The following LDB3 variants were observed in gnomAD, a reference collection of about 807,000 sequenced individuals.
LDB3 encodes LIM domain binding 3, also known as LIM domain-binding protein 3.
LDB3 carries 49 observed loss-of-function variants against 69.0 expected under a neutral mutation model. The observed-to-expected ratio is 0.71, with a 90% confidence interval of 0.56 to 0.90. LDB3 has a LOEUF of 0.90. LDB3 is among the 40% of genes least tolerant of loss of function. The pLI, the probability that LDB3 is intolerant of heterozygous loss-of-function variation, is 0.00. For synonymous variants in LDB3, 387 were observed against 396.2 expected (o/e 0.98, Z 0.28); for missense variants, 928 against 974.1 (o/e 0.95, Z 0.63).
chr10:86,688,897 A>C (rs1845629844), intron 5 of LDB3, among the ~76,000 whole-genome samples: 1 of 152,148 alleles, frequency 6.6e-6, no homozygotes, highest in Non-Finnish European at 1.5e-5. Context: ...ACTGTTGATT[A>C]ATCGAGACTT....
Position 86,718,767 on chromosome 10 carries a change from G to T in LDB3, c.1898G>T (p.Cys633Phe). 6.2e-7 allele frequency: 1 copy of T among 1,614,162 alleles called. No individual in the cohort carries two copies. Residue 633 changes from cysteine (C) to phenylalanine (F), a missense_variant, in exon 12 of 14, where the codon TGC becomes TTC. Physicochemically the swap from Cys to Phe is radical, Grantham distance 205 (BLOSUM62 -2). Transcript: ENST00000361373. ...HALRQTWHTT[C>F]FVCAACKKPF... ...TTGAGACAGACATGGCACACCACCT[G>T]CTTCGTCTGTGCGGCCTGCAAGAAG...
At chr10:86,728,474 T>C (rs529864074) in intron 13 of LDB3, among the ~76,000 whole-genome samples, 5 of 152,218 alleles carry the variant, frequency 3.3e-5, no homozygotes, top group Admixed American at 1.3e-4. Flanking sequence ...GAGAGGCCCA[T>C]AGCACTGCCC....
intron 12 of LDB3, among the ~76,000 whole-genome samples, chr10:86,723,894 A>G (rs1466740971): frequency 6.6e-6 from 1 of 152,258 alleles, no homozygotes; most frequent in Non-Finnish European, 1.5e-5. Flanking sequence ...TGCCATGCTG[A>G]TAAGGAGCTG....
chr10:86,705,208 T>C (rs1272030123), intron 7 of LDB3, among the ~76,000 whole-genome samples: 7 of 152,232 alleles, frequency 4.6e-5, no homozygotes, highest in African/African-American at 1.7e-4. Flanking sequence ...GATCCTGCTA[T>C]TCTTACTGAT....
Position 86,733,184 on chromosome 10 carries a change from C to A in LDB3, c.*208C>A. On this transcript the variant is annotated 3_prime_UTR_variant, in exon 14 of 14. Coordinates refer to ENST00000361373, the MANE Select transcript of LDB3 (RefSeq NM_007078.3). ...CTAGGAGCCAAATGAAGACTCAAAA[C>A]CAAGCTAGTTATTAATCCAAGACTG... 1.8e-6 allele frequency: 1 copy of A among 546,034 alleles called. No individual in the cohort carries two copies. The highest frequency in any genetic ancestry group is 3.3e-6 in the Non-Finnish European group (1 of 302,414). The allele number at this position is 546,034 out of a possible 1,614,324, so 33.8% of individuals were successfully genotyped here. A position where few individuals can be genotyped will look rare whatever the true frequency, so the allele number is the denominator to read the frequency against.
chr10:86,674,858 G>T (rs1467766652), intron 2 of LDB3, among the ~76,000 whole-genome samples: 1 of 152,132 alleles, frequency 6.6e-6, no homozygotes, highest in African/African-American at 2.4e-5. Context: ...AGGGTCTGAG[G>T]GTGCCCCCCT....
At chr10:86,667,402 A>G (rs1179457029), upstream of LDB3, among the ~76,000 whole-genome samples, 1 of 152,082 alleles carries the variant, frequency 6.6e-6, no homozygotes, top group Non-Finnish European at 1.5e-5. Flanking sequence ...CTATCTCCAG[A>G]CCACATAGGG....
intron 5 of LDB3, among the ~76,000 whole-genome samples, chr10:86,682,731 T>A (rs1845233643): frequency 6.6e-6 from 1 of 152,166 alleles, no homozygotes; most frequent in Non-Finnish European, 1.5e-5. Flanking sequence ...ATTGGGAGGA[T>A]AAAGGGCCCA....
chr10:86,678,364 G>A (rs768044825), intron 2 of LDB3, among the ~76,000 whole-genome samples: 3 of 125,024 alleles, frequency 2.4e-5, no homozygotes, highest in Non-Finnish European at 3.3e-5. Context: ...TTTTAAGACC[G>A]AGTCTCCCTC....
intron 3 of LDB3, 131 bp downstream of exon 3, chr10:86,679,649 G>A: frequency 9.6e-7 from 1 of 1,044,324 alleles, no homozygotes; most frequent in South Asian, 1.3e-5. Flanking sequence ...AGGAAGATAA[G>A]GACAGCCCTG....
intron 5 of LDB3, among the ~76,000 whole-genome samples, chr10:86,682,338 C>A (rs551622790): frequency 6.6e-6 from 1 of 152,190 alleles, no homozygotes; most frequent in Admixed American, 6.5e-5. Context: ...TTGGCAGTGG[C>A]GTGCAGGGAG....
intron 3 of LDB3, among the ~76,000 whole-genome samples, chr10:86,679,821 G>GCC (rs535073875): frequency 3.0e-4 from 45 of 152,346 alleles, no homozygotes; most frequent in Middle Eastern, 3.4e-3. Flanking sequence ...TGCCCAGGCA[G>GCC]CCCCCAGTGA....
chr10:86,682,024 A>G (rs1845180538), intron 5 of LDB3, among the ~76,000 whole-genome samples: 1 of 152,218 alleles, frequency 6.6e-6, no homozygotes, highest in African/African-American at 2.4e-5. Flanking sequence ...GATTTTGCAG[A>G]GGAGGAAACT....
Position 86,681,762 on chromosome 10 carries a change from G to T in LDB3, c.648G>T (p.Met216Ile). The T allele has an allele frequency of 6.2e-7, 1 of 1,601,768 alleles. No homozygotes were observed. Among genetic ancestry groups the T allele is most frequent in the South Asian group, 1.1e-5 (1 of 89,464 alleles). ...TLREMAQMYQ[M>I]SLRGKASGVG... ...GGGAGATGGCTCAGATGTACCAGAT[G>T]AGCCTCCGAGGGAAGGCCTCGGGTG... Residue 216 changes from methionine to isoleucine, a missense_variant, in exon 5 of 14, where the codon ATG becomes ATT. By Grantham distance (10) the Met-to-Ile change is conservative (BLOSUM62 1). Transcript: ENST00000361373.
chr10:86,722,975 T>C (rs573082113), intron 12 of LDB3, among the ~76,000 whole-genome samples: 1 of 152,146 alleles, frequency 6.6e-6, no homozygotes, highest in Admixed American at 6.5e-5. Context: ...TTTATTTAAA[T>C]ATGGAACACA....
In LDB3 at chr10:86,681,722, C is replaced by G. The variant is rs201538257; in HGVS notation, c.608C>G (p.Ser203Trp). The G allele has an allele frequency of 1.2e-6, 2 of 1,611,364 alleles. No individual in the cohort carries two copies. Among genetic ancestry groups the G allele is most frequent in the Admixed American group, 3.3e-5 (2 of 59,778 alleles). ...RQYNNPIGLY[S>W]AETLREMAQM... is the part of the protein sequence containing the mutation. ...TATAACAACCCCATTGGCCTGTACT[C>G]GGCAGAGACCCTGAGGGAGATGGCT... Residue 203 changes from serine to tryptophan, a missense_variant, in exon 5 of 14, where the codon TCG becomes TGG. By Grantham distance (177) the Ser-to-Trp change is radical. Coordinates refer to ENST00000361373, the MANE Select transcript of LDB3 (RefSeq NM_007078.3).
At chr10:86,667,333 C>A (rs565860947), upstream of LDB3, among the ~76,000 whole-genome samples, 1 of 152,164 alleles carries the variant, frequency 6.6e-6, no homozygotes, top group African/African-American at 2.4e-5. Flanking sequence ...AAGCAGCCAA[C>A]CCAGTTGCCT....
In LDB3 at chr10:86,699,461, G is replaced by A; in HGVS notation, c.896+6890G>A. 6.2e-7 allele frequency: 1 copy of A among 1,601,988 alleles called. No homozygotes were observed. The highest frequency in any genetic ancestry group is 8.5e-7 in the Non-Finnish European group (1 of 1,175,740). On this transcript the variant is annotated intron_variant, in intron 7 of 13. Coordinates refer to ENST00000361373, the MANE Select transcript of LDB3 (RefSeq NM_007078.3). The surrounding 1 kb of genome is among the most constrained non-coding windows in gnomAD (Gnocchi z 4.9). ...AGATCTGGCATGTGAGCCCCACGGT[G>A]ATGCTTGACAATGTATAACTCTGCT...
chr10:86,717,092 C>T (rs1170414202), intron 10 of LDB3, among the ~76,000 whole-genome samples: 2 of 152,190 alleles, frequency 1.3e-5, no homozygotes, highest in African/African-American at 2.4e-5. Context: ...AGTAGGTTTA[C>T]AGGGCATTTT....
Sources: gnomAD v4.1 joint callset for allele counts (sites outside exome capture counted in the v4.1 genomes callset) on GRCh38, gnomAD v4.1.1 for gene constraint, Gnocchi (gnomAD v3.1) non-coding constraint, MANE v1.5 for transcripts, NCBI Gene and HGNC (gene_info 2026-07-23, HGNC 2026-07-21) for gene names.